Variants in GSG1L observed in about 807,000 individuals in gnomAD.
GSG1L encodes the protein GSG1 like.
A neutral mutation model predicts 42.1 loss-of-function variants in GSG1L; 24 were observed. The observed-to-expected ratio is 0.57, with a 90% CI of 0.41 to 0.80. The LOEUF is 0.80. Ranked by LOEUF, GSG1L falls within the 30% of genes least tolerant of loss-of-function variation. The pLI, the probability that GSG1L is intolerant of heterozygous loss-of-function variation, is 0.00. For missense variants in GSG1L, 445 were observed against 472.2 expected, an observed-to-expected ratio of 0.94 and a Z score of 0.53; for synonymous variants, 215 against 203.5, an observed-to-expected ratio of 1.06 and a Z score of -0.48.
At chr16:27,985,682 A>G (rs972659679) in intron 1 of GSG1L, among the ~76,000 whole-genome samples, 2 of 144,348 alleles carry the variant, frequency 1.4e-5, no homozygotes, top group Admixed American at 6.9e-5. Context: ...CATCTCTACT[A>G]AAAAAAAAAA....
At chr16:27,799,379 T>A (rs2082857249) in intron 6 of GSG1L, among the ~76,000 whole-genome samples, 1 of 151,712 alleles carries the variant, frequency 6.6e-6, no homozygotes, top group Admixed American at 6.6e-5. Context: ...ACAAAAAAAA[T>A]TGGAAACATA....
chr16:27,795,734 G>T (rs2082811253), intron 6 of GSG1L, among the ~76,000 whole-genome samples: 1 of 152,204 alleles, frequency 6.6e-6, no homozygotes, highest in Admixed American at 6.5e-5. Flanking sequence ...GGTTAGCAGA[G>T]TATTTGACCA....
chr16:27,942,303 C>T (rs2084809248), intron 2 of GSG1L, among the ~76,000 whole-genome samples: 1 of 152,306 alleles, frequency 6.6e-6, no homozygotes, highest in Non-Finnish European at 1.5e-5. Context: ...GTGCTGGCCA[C>T]CACATCCAGC....
chr16:27,834,630 G>A (rs936269022), intron 4 of GSG1L, among the ~76,000 whole-genome samples: 3 of 151,948 alleles, frequency 2.0e-5, no homozygotes, highest in Non-Finnish European at 2.9e-5. Flanking sequence ...TACTTATTTC[G>A]CATTTGGTAA....
intron 1 of GSG1L, among the ~76,000 whole-genome samples, chr16:28,002,786 A>AC (rs1324512962): frequency 6.6e-6 from 1 of 151,436 alleles, no homozygotes; most frequent in East Asian, 1.9e-4. Context: ...AAAAAAAAAA[A>AC]ATTAGCCAGG....
chr16:28,021,451 G>T (rs575209565), intron 1 of GSG1L, among the ~76,000 whole-genome samples: 1 of 152,138 alleles, frequency 6.6e-6, no homozygotes, highest in Non-Finnish European at 1.5e-5. Context: ...CATTTGGTTC[G>T]TGTTCACCTG....
At chr16:28,043,793 A>G (rs1448482576) in intron 1 of GSG1L, among the ~76,000 whole-genome samples, 2 of 152,188 alleles carry the variant, frequency 1.3e-5, no homozygotes, top group African/African-American at 4.8e-5. Context: ...AGGCCAAAAC[A>G]GGAGGATTGC....
intron 2 of GSG1L, among the ~76,000 whole-genome samples, chr16:27,888,460 CTTTCTCTCT>C (rs2084064649): frequency 6.3e-5 from 1 of 15,966 alleles, no homozygotes; most frequent in Non-Finnish European, 2.2e-4. Context: ...TTCTTTCTTT[CTTTCTCTCT>C]CTCTCTCTCT....
intron 3 of GSG1L, among the ~76,000 whole-genome samples, chr16:27,870,332 C>T (rs1322640894): frequency 6.7e-6 from 1 of 148,912 alleles, no homozygotes. Context: ...CTCTGTCTCC[C>T]TCCATCTGTC....
chr16:27,907,220 T>A (rs888511389), intron 2 of GSG1L, among the ~76,000 whole-genome samples: 17 of 152,128 alleles, frequency 1.1e-4, no homozygotes, highest in African/African-American at 4.1e-4. Context: ...CCTCTGCCAG[T>A]ACAGACCCCC....
intron 1 of GSG1L, among the ~76,000 whole-genome samples, chr16:27,973,018 T>C (rs2085210727): frequency 6.6e-6 from 1 of 152,224 alleles, no homozygotes; most frequent in Non-Finnish European, 1.5e-5. Flanking sequence ...AAATGCTGGC[T>C]CTGTCACTTC....
At chr16:27,868,579 T>A (rs1457096400) in intron 3 of GSG1L, among the ~76,000 whole-genome samples, 4 of 149,818 alleles carry the variant, frequency 2.7e-5, no homozygotes, top group Non-Finnish European at 4.4e-5. Context: ...AACCTGCAGA[T>A]GTTGGCAAGA....
At chr16:27,960,026 G>A (rs1462620740) in intron 2 of GSG1L, among the ~76,000 whole-genome samples, 2 of 149,132 alleles carry the variant, frequency 1.3e-5, no homozygotes, top group African/African-American at 2.4e-5. Flanking sequence ...GGAGGGAGAG[G>A]GTAGGTGAGC....
At chr16:27,991,046 G>A (rs1358327991) in intron 1 of GSG1L, among the ~76,000 whole-genome samples, 1 of 152,214 alleles carries the variant, frequency 6.6e-6, no homozygotes, top group African/African-American at 2.4e-5. Flanking sequence ...AGTACAGTAA[G>A]GCTAAAATTT....
intron 2 of GSG1L, among the ~76,000 whole-genome samples, chr16:27,932,407 C>T (rs754382719): frequency 1.5e-4 from 23 of 152,100 alleles, no homozygotes; most frequent in Non-Finnish European, 2.5e-4. Context: ...AAGCATGATG[C>T]TGACATCTGC....
chr16:27,898,267 G>A (rs2084213891), intron 2 of GSG1L, among the ~76,000 whole-genome samples: 1 of 152,150 alleles, frequency 6.6e-6, no homozygotes, highest in Non-Finnish European at 1.5e-5. Context: ...CACAGGCTGG[G>A]GGCCTGGAGA....
intron 1 of GSG1L, among the ~76,000 whole-genome samples, chr16:28,039,270 C>T (rs1490903501): frequency 1.3e-5 from 2 of 152,078 alleles, no homozygotes; most frequent in African/African-American, 4.8e-5. Context: ...TCCATTCCAC[C>T]CTATGACGTG....
intron 5 of GSG1L, chr16:27,823,806 C>T (rs749413797): frequency 2.9e-6 from 2 of 700,562 alleles, no homozygotes; most frequent in Non-Finnish European, 5.2e-6. Flanking sequence ...TGAGAGGCCA[C>T]ACAGCACAGG....
At chr16:27,944,447 C>T (rs2084840184) in intron 2 of GSG1L, among the ~76,000 whole-genome samples, 1 of 151,810 alleles carries the variant, frequency 6.6e-6, no homozygotes, top group Admixed American at 6.6e-5. Context: ...CACGGCAAAA[C>T]CCTGTCTCTA....
Sources: allele counts gnomAD v4.1 joint callset (sites outside exome capture counted in the v4.1 genomes callset), GRCh38; gene constraint gnomAD v4.1.1; transcripts MANE v1.5; gene names NCBI Gene and HGNC (gene_info 2026-07-23, HGNC 2026-07-21).